PDK1: variants seen among roughly 807,000 people sequenced by gnomAD.
PDK1 encodes the protein [Pyruvate dehydrogenase (acetyl-transferring)] kinase isozyme 1, mitochondrial.
Under a neutral mutation model 54.2 loss-of-function variants are expected in PDK1, and 39 were observed. That is an observed-to-expected ratio of 0.72 (90% confidence interval 0.56 to 0.94). The LOEUF is 0.94. Ranked by LOEUF, PDK1 falls within the 40% of genes least tolerant of loss-of-function variation. The pLI is 0.00. For missense variants in PDK1, 552 were observed against 566.0 expected (o/e 0.98, Z 0.25); for synonymous variants, 221 against 207.1 (o/e 1.07, Z -0.58).
the PDK1 span, among the ~76,000 whole-genome samples, chr2:172,614,886 C>G: frequency 6.6e-6 from 1 of 152,140 alleles, no homozygotes; most frequent in African/African-American, 2.4e-5. Flanking sequence ...ATTAAGTTAA[C>G]AGATAACATT....
the PDK1 span, among the ~76,000 whole-genome samples, chr2:172,705,720 T>C: frequency 6.6e-6 from 1 of 152,240 alleles, no homozygotes. Context: ...CAAGTAACTT[T>C]GCAAATGTTA....
At chr2:172,586,746 T>C (rs1690252336) in intron 9 of PDK1, among the ~76,000 whole-genome samples, 1 of 152,186 alleles carries the variant, frequency 6.6e-6, no homozygotes, top group Admixed American at 6.5e-5. Flanking sequence ...CTTTTTAGTG[T>C]TGACTTTTTT....
the PDK1 span, among the ~76,000 whole-genome samples, chr2:172,659,829 C>T: frequency 2.6e-5 from 4 of 152,202 alleles, no homozygotes; most frequent in Non-Finnish European, 4.4e-5. Flanking sequence ...TGTAATCAAT[C>T]CCTTTGGAAT....
At chr2:172,647,433 C>G in the PDK1 span, among the ~76,000 whole-genome samples, 2 of 151,916 alleles carry the variant, frequency 1.3e-5, no homozygotes, top group Non-Finnish European at 2.9e-5. Context: ...AGAAACTGCT[C>G]AAAAAATAAT....
At chr2:172,591,068 C>T (rs374931517) in intron 9 of PDK1, among the ~76,000 whole-genome samples, 6 of 152,070 alleles carry the variant, frequency 3.9e-5, no homozygotes, top group South Asian at 4.2e-4. Flanking sequence ...AAAGGGCCAG[C>T]GGGTCAGTCC....
chr2:172,668,351 G>C, the PDK1 span, among the ~76,000 whole-genome samples: 8 of 148,274 alleles, frequency 5.4e-5, no homozygotes, highest in South Asian at 1.7e-3. Flanking sequence ...ATCTTTATTC[G>C]TTCCCACTTA....
At chr2:172,646,758 A>T in the PDK1 span, among the ~76,000 whole-genome samples, 1,246 of 22,030 alleles carry the variant, frequency 0.057, 35 homozygotes, top group African/African-American at 0.13. Flanking sequence ...TTTTTTTGAG[A>T]TAGAGTTTTG....
the PDK1 span, among the ~76,000 whole-genome samples, chr2:172,675,255 G>A: frequency 6.6e-6 from 1 of 152,188 alleles, no homozygotes; most frequent in Non-Finnish European, 1.5e-5. Flanking sequence ...AAGTGTTCAA[G>A]TGAAAGGAAG....
chr2:172,662,265 G>A, the PDK1 span, among the ~76,000 whole-genome samples: 4 of 152,060 alleles, frequency 2.6e-5, no homozygotes, highest in East Asian at 7.7e-4. Context: ...CAGCTGTCAG[G>A]AGGCCACAAT....
rs1445532709 is a variant in PDK1 at position 172,603,284 on chromosome 2, A to G, written c.*7315A>G. On this transcript the variant is annotated 3_prime_UTR_variant, in exon 11 of 11. Transcript: ENST00000282077. ...ATCTGATTCTTAGAGTACTTAAAAA[A>G]GATAAGAAGGATCTATTCCTGATAT... 2 of 152,252 alleles carry G rather than the reference A, an allele frequency of 1.3e-5. No homozygotes were observed. The highest frequency in any genetic ancestry group is 4.8e-5 in the African/African-American group (2 of 41,466). The allele number at this position is 152,252 out of a possible 1,614,324, so 9.4% of individuals were successfully genotyped here.
chr2:172,571,504 C>G (rs1019365693), intron 8 of PDK1, among the ~76,000 whole-genome samples: 1 of 152,130 alleles, frequency 6.6e-6, no homozygotes, highest in Non-Finnish European at 1.5e-5. Context: ...ACTGGGACTG[C>G]AGGCTGCAGG....
chr2:172,584,711 G>A (rs1311526500), intron 8 of PDK1, among the ~76,000 whole-genome samples: 1 of 145,624 alleles, frequency 6.9e-6, no homozygotes, highest in African/African-American at 2.6e-5. Flanking sequence ...TTGGAGTACA[G>A]TGGTGAGATC....
At chr2:172,691,746 C>A in the PDK1 span, among the ~76,000 whole-genome samples, 1 of 152,218 alleles carries the variant, frequency 6.6e-6, no homozygotes, top group Non-Finnish European at 1.5e-5. Context: ...GGCTTGATGG[C>A]TCATTTCTCT....
intron 8 of PDK1, among the ~76,000 whole-genome samples, chr2:172,584,645 C>CTTTT (rs35773197): frequency 3.3e-5 from 3 of 90,318 alleles, no homozygotes; most frequent in African/African-American, 4.5e-5. Context: ...AAGGTACATG[C>CTTTT]TTTTTTTTTT....
intron 8 of PDK1, among the ~76,000 whole-genome samples, chr2:172,572,167 G>T (rs558543115): frequency 6.6e-6 from 1 of 152,032 alleles, no homozygotes; most frequent in Non-Finnish European, 1.5e-5. Context: ...TTACCTTTCT[G>T]TTATAGTAGT....
At chr2:172,642,509 C>T in the PDK1 span, among the ~76,000 whole-genome samples, 1 of 152,140 alleles carries the variant, frequency 6.6e-6, no homozygotes. Context: ...GATCTGGGAC[C>T]CCACCCCAGA....
At chr2:172,651,683 T>C in the PDK1 span, among the ~76,000 whole-genome samples, 1 of 152,176 alleles carries the variant, frequency 6.6e-6, no homozygotes. Context: ...GAGAATACTA[T>C]AAACACCTCT....
rs763912427 is a variant in PDK1, at chr2:172,556,227, G to T, written c.77G>T (p.Arg26Leu). Residue 26 changes from arginine (R) to leucine (L), a missense_variant, in exon 1 of 11, where the codon CGC becomes CTC. By Grantham distance (102) the Arg-to-Leu change is moderately radical (BLOSUM62 -2). Coordinates refer to ENST00000282077, the MANE Select transcript of PDK1 (RefSeq NM_002610.5). Reference protein sequence around the residue: ...GPGLRAAGFSRSFSSDSGSSP... With the variant: ...GPGLRAAGFSLSFSSDSGSSP... Reference sequence around the variant, plus strand: ...GGGCTGCGCGCCGCCGGCTTCAGCCGCAGCTTCAGCTCGGACTCGGGCTCC... The same window carrying T: ...GGGCTGCGCGCCGCCGGCTTCAGCCTCAGCTTCAGCTCGGACTCGGGCTCC... 139 of 1,437,544 alleles carry T rather than the reference G, an allele frequency of 9.7e-5. 1 individual carries two copies. The South Asian group carries it at 1.9e-3, about 19-fold the overall frequency. 89.0% of individuals were successfully genotyped at this position (1,437,544 alleles called of 1,614,324 possible).
chr2:172,630,699 G>A, the PDK1 span, among the ~76,000 whole-genome samples: 47 of 151,420 alleles, frequency 3.1e-4, no homozygotes, highest in African/African-American at 9.7e-4. Context: ...GTGCGATCTC[G>A]GTTCACTGCA....
Sources: allele counts gnomAD v4.1 joint callset (sites outside exome capture counted in the v4.1 genomes callset), GRCh38; gene constraint gnomAD v4.1.1; transcripts MANE v1.5; gene names NCBI Gene and HGNC (gene_info 2026-07-23, HGNC 2026-07-21).